MACROD2: variants seen among roughly 807,000 people sequenced by gnomAD.
The protein encoded by MACROD2 is ADP-ribose glycohydrolase MACROD2.
Under a neutral mutation model 70.4 loss-of-function variants are expected in MACROD2, and 36 were observed. The ratio of observed to expected loss-of-function variants is 0.51; its 90% confidence interval spans 0.39 to 0.68. The LOEUF is 0.68. MACROD2 is among the 30% of genes least tolerant of loss of function. The pLI is 0.00. For synonymous variants in MACROD2, 172 were observed against 178.8 expected, an observed-to-expected ratio of 0.96 and a Z score of 0.30; for missense variants, 496 against 538.4, an observed-to-expected ratio of 0.92 and a Z score of 0.78.
At chr20:14,176,545 G>A (rs1182512197) in intron 3 of MACROD2, among the ~76,000 whole-genome samples, 1 of 152,092 alleles carries the variant, frequency 6.6e-6, no homozygotes, top group Admixed American at 6.6e-5. Flanking sequence ...CTGTCATTTG[G>A]AGTTTCTTTT....
At chr20:15,130,802 G>A (rs2076099282) in intron 5 of MACROD2, among the ~76,000 whole-genome samples, 2 of 152,080 alleles carry the variant, frequency 1.3e-5, no homozygotes, top group South Asian at 4.1e-4. Flanking sequence ...ATCTGAGGAA[G>A]AGAGCAGCTA....
At chr20:14,881,412 G>A (rs2073609584) in intron 5 of MACROD2, among the ~76,000 whole-genome samples, 1 of 151,870 alleles carries the variant, frequency 6.6e-6, no homozygotes, top group Admixed American at 6.6e-5. Flanking sequence ...TTACTGACAA[G>A]GCACTTGACT....
intron 5 of MACROD2, among the ~76,000 whole-genome samples, chr20:14,700,994 C>G (rs1336187548): frequency 6.6e-6 from 1 of 152,082 alleles, no homozygotes; most frequent in Non-Finnish European, 1.5e-5. Flanking sequence ...CCGAATTCAT[C>G]TCTTTTATTT....
At chr20:14,620,408 G>A (rs1004283084) in intron 4 of MACROD2, among the ~76,000 whole-genome samples, 1 of 151,998 alleles carries the variant, frequency 6.6e-6, no homozygotes, top group Non-Finnish European at 1.5e-5. Flanking sequence ...TTTGAATGTT[G>A]TTTGGTCTGG....
intron 4 of MACROD2, among the ~76,000 whole-genome samples, chr20:14,619,294 T>G (rs1983663751): frequency 6.7e-6 from 1 of 149,714 alleles, no homozygotes; most frequent in South Asian, 2.1e-4. Context: ...ACTAGGCTGC[T>G]TGCAGGAGAC....
At chr20:15,020,473 A>G (rs2075156701) in intron 5 of MACROD2, among the ~76,000 whole-genome samples, 1 of 152,144 alleles carries the variant, frequency 6.6e-6, no homozygotes, top group African/African-American at 2.4e-5. Flanking sequence ...AAGAAGATTC[A>G]CCATATTGCT....
chr20:14,673,506 G>A (rs1301945607), intron 4 of MACROD2, among the ~76,000 whole-genome samples: 6 of 152,208 alleles, frequency 3.9e-5, no homozygotes, highest in African/African-American at 9.6e-5. Flanking sequence ...TACTAGGCTC[G>A]CTTGGTGACA....
intron 3 of MACROD2, among the ~76,000 whole-genome samples, chr20:14,359,571 A>G (rs527367534): frequency 2.9e-4 from 44 of 152,356 alleles, no homozygotes; most frequent in Non-Finnish European, 6.2e-4. Context: ...GTATTCATCA[A>G]TGGATAAATG....
chr20:15,313,571 G>A (rs1012268300), intron 6 of MACROD2, among the ~76,000 whole-genome samples: 1 of 151,348 alleles, frequency 6.6e-6, no homozygotes, highest in Non-Finnish European at 1.5e-5. Context: ...GGAGTAATGT[G>A]TGGAATGTTT....
At chr20:14,780,788 T>C (rs889579481) in intron 5 of MACROD2, among the ~76,000 whole-genome samples, 1 of 152,088 alleles carries the variant, frequency 6.6e-6, no homozygotes, top group Non-Finnish European at 1.5e-5. Flanking sequence ...TCAAAATCTA[T>C]TCAGATGCCA....
chr20:14,420,981 C>T (rs2083870873), intron 3 of MACROD2, among the ~76,000 whole-genome samples: 1 of 152,236 alleles, frequency 6.6e-6, no homozygotes, highest in Non-Finnish European at 1.5e-5. Flanking sequence ...GCATGAGCTA[C>T]TATGCCCAGC....
intron 8 of MACROD2, among the ~76,000 whole-genome samples, chr20:15,643,914 G>C (rs563766066): frequency 6.6e-6 from 1 of 152,292 alleles, no homozygotes; most frequent in Non-Finnish European, 1.5e-5. Flanking sequence ...ATGGCCACTA[G>C]GGGTCCAGCC....
At chr20:15,016,818 T>A (rs1447408546) in intron 5 of MACROD2, among the ~76,000 whole-genome samples, 1 of 152,112 alleles carries the variant, frequency 6.6e-6, no homozygotes, top group Non-Finnish European at 1.5e-5. Context: ...AAATCCCTGA[T>A]AAACCCATCA....
chr20:14,764,694 G>C (rs571201241), intron 5 of MACROD2, among the ~76,000 whole-genome samples: 1 of 152,174 alleles, frequency 6.6e-6, no homozygotes, highest in Non-Finnish European at 1.5e-5. Context: ...CAAATTCCTA[G>C]GACTGGCCTC....
chr20:15,438,403 G>GT (rs2046454845), intron 7 of MACROD2, among the ~76,000 whole-genome samples: 2 of 152,066 alleles, frequency 1.3e-5, no homozygotes, highest in Admixed American at 1.3e-4. Flanking sequence ...TCTCACCGTG[G>GT]TTTTGATTTG....
At chr20:14,977,462 T>TAC (rs3045702) in intron 5 of MACROD2, among the ~76,000 whole-genome samples, 18,229 of 134,934 alleles carry the variant, frequency 0.14, 1,232 homozygotes, top group South Asian at 0.27. Flanking sequence ...AAGAAAAAGA[T>TAC]ACACACACAC....
In MACROD2 at chr20:14,693,865, G is replaced by A. The variant is rs537146905; in HGVS notation, c.418+8906G>A. On this transcript the variant is annotated intron_variant, in intron 5 of 17. Transcript: ENST00000684519. ...TCTGTTAAGCCATATACGCAGAACC[G>A]CTTCTTAATACTGTCAGATAAGAGA... 2.7e-4 allele frequency among the ~76,000 whole-genome samples: 41 copies of A among 152,234 alleles called. No homozygotes were observed. The South Asian group carries it at 8.3e-3, about 31-fold the overall frequency.
rs74964964 is a variant in MACROD2 at position 15,650,877 on chromosome 20, T to G, written c.645+151030T>G. 2.3e-3 allele frequency among the ~76,000 whole-genome samples: 351 copies of G among 152,302 alleles called. 1 individual carries two copies. Among genetic ancestry groups the G allele is most frequent in the African/African-American group, 7.9e-3 (329 of 41,576 alleles). On this transcript the variant is annotated intron_variant, in intron 8 of 17. Coordinates refer to ENST00000684519, the MANE Select transcript of MACROD2 (RefSeq NM_001351661.2). ...CAGAAGACTGAAAACTCTACATTAT[T>G]GACCATGTTGGTGTCATCAGCACAC...
intron 4 of MACROD2, among the ~76,000 whole-genome samples, chr20:14,518,484 C>T (rs35658161): frequency 0.15 from 23,144 of 151,906 alleles, 2,519 homozygotes; most frequent in Non-Finnish European, 0.22. Context: ...TCAGTGTTGT[C>T]CTGTATTTGG....
Sources: gnomAD v4.1 joint callset for allele counts (sites outside exome capture counted in the v4.1 genomes callset) on GRCh38, gnomAD v4.1.1 for gene constraint, MANE v1.5 for transcripts, NCBI Gene and HGNC (gene_info 2026-07-23, HGNC 2026-07-21) for gene names.